LTBP1: variants seen among roughly 807,000 people sequenced by gnomAD.
LTBP1 encodes the protein latent transforming growth factor beta binding protein 1.
Under a neutral mutation model 207.6 loss-of-function variants are expected in LTBP1, and 129 were observed. That is an observed-to-expected ratio of 0.62 (90% CI 0.54 to 0.72). LTBP1 has a LOEUF of 0.72. LTBP1 is among the 30% of genes least tolerant of loss of function. The pLI, the probability that LTBP1 is intolerant of heterozygous loss-of-function variation, is 0.00. For missense variants in LTBP1, 2,281 were observed against 2,217.2 expected (o/e 1.03, Z -0.58); for synonymous variants, 963 against 833.7 (o/e 1.16, Z -2.67).
chr2:33,341,729 A>AAATATATATATATATATATAT (rs745445793), intron 24 of LTBP1, among the ~76,000 whole-genome samples: 8 of 93,620 alleles, frequency 8.5e-5, no homozygotes, highest in East Asian at 6.6e-4. Flanking sequence ...AAAAAAAAAA[A>AAATATATATATATATATATAT]ATATATATAT....
chr2:33,040,957 T>C (rs980630076), intron 3 of LTBP1, among the ~76,000 whole-genome samples: 1 of 152,232 alleles, frequency 6.6e-6, no homozygotes, highest in Admixed American at 6.5e-5. Context: ...CACACTGTGC[T>C]GGTACCTACC....
At chr2:33,353,406 C>T (rs902053639) in intron 26 of LTBP1, among the ~76,000 whole-genome samples, 1 of 152,188 alleles carries the variant, frequency 6.6e-6, no homozygotes, top group East Asian at 1.9e-4. Context: ...GCTCTCAACA[C>T]GCCTTGCTTT....
At chr2:33,365,583 C>A in intron 31 of LTBP1, 80 bp downstream of exon 31, 3 of 1,390,566 alleles carry the variant, frequency 2.2e-6, no homozygotes, top group South Asian at 2.6e-5. Flanking sequence ...TGACATTTCT[C>A]TTCTGTATCT....
At chr2:32,962,386 A>T (rs772707573) in intron 2 of LTBP1, among the ~76,000 whole-genome samples, 1 of 152,232 alleles carries the variant, frequency 6.6e-6, no homozygotes, top group Non-Finnish European at 1.5e-5. Flanking sequence ...ATAGTAATTG[A>T]AGGTGAAATA....
At chr2:33,056,175 C>A (rs368486137) in intron 3 of LTBP1, among the ~76,000 whole-genome samples, 1 of 152,004 alleles carries the variant, frequency 6.6e-6, no homozygotes, top group South Asian at 2.1e-4. Flanking sequence ...GGGGCCAAGC[C>A]GTAGCGCAGA....
chr2:33,087,240 A>G (rs966861843), intron 3 of LTBP1, among the ~76,000 whole-genome samples: 2 of 151,798 alleles, frequency 1.3e-5, no homozygotes, highest in African/African-American at 4.8e-5. Context: ...TACTTTAAAA[A>G]AATGTTCTGT....
At chr2:32,947,925 G>A (rs1202153775) in intron 1 of LTBP1, 107 bp downstream of exon 1, 2 of 1,008,928 alleles carry the variant, frequency 2.0e-6, no homozygotes, top group Non-Finnish European at 2.6e-6. Context: ...CAGGGCGGTC[G>A]CGCGCGGTGG....
intron 24 of LTBP1, among the ~76,000 whole-genome samples, chr2:33,322,537 G>T (rs752578627): frequency 2.6e-5 from 4 of 152,186 alleles, no homozygotes; most frequent in Non-Finnish European, 4.4e-5. Flanking sequence ...TTATATATCT[G>T]ATTGCATGAT....
chr2:33,141,355 T>A (rs2082631626), intron 5 of LTBP1, among the ~76,000 whole-genome samples: 1 of 152,162 alleles, frequency 6.6e-6, no homozygotes, highest in Non-Finnish European at 1.5e-5. Flanking sequence ...TCTGGAGATT[T>A]GATACAGAAT....
intron 2 of LTBP1, among the ~76,000 whole-genome samples, chr2:32,991,772 A>G (rs1275667750): frequency 6.6e-6 from 1 of 152,224 alleles, no homozygotes; most frequent in Non-Finnish European, 1.5e-5. Context: ...GTTGCAACCC[A>G]GGAGTCCTCT....
At chr2:32,972,106 C>CT (rs1407879803) in intron 2 of LTBP1, among the ~76,000 whole-genome samples, 2 of 128,738 alleles carry the variant, frequency 1.6e-5, no homozygotes, top group Non-Finnish European at 3.5e-5. Context: ...GCAAGAGTCT[C>CT]TGAGTTTTTT....
chr2:33,074,634 G>C (rs936408145), intron 3 of LTBP1, among the ~76,000 whole-genome samples: 32 of 152,114 alleles, frequency 2.1e-4, no homozygotes, highest in African/African-American at 7.7e-4. Flanking sequence ...CTTTGGGAAG[G>C]CCGAGGCAGG....
intron 4 of LTBP1, among the ~76,000 whole-genome samples, chr2:33,121,403 C>A (rs774426573): frequency 6.6e-6 from 1 of 151,968 alleles, no homozygotes; most frequent in Admixed American, 6.6e-5. Context: ...GAAAAGCATC[C>A]GGAGAGCAGG....
rs1232579851 is a variant in LTBP1 at position 32,965,411 on chromosome 2, T to C, written c.565+16466T>C. On this transcript the variant is annotated intron_variant, in intron 2 of 33. Coordinates refer to ENST00000404816, the MANE Select transcript of LTBP1 (RefSeq NM_206943.4). ...TCCTTGGGTTTTGGCAAATATATAA[T>C]AACATACATCTACAGTATCATAGAG... Among the ~76,000 whole-genome samples the C allele has an allele frequency of 2.6e-5, 4 of 152,268 alleles. No individual in the cohort carries two copies. The East Asian group carries it at 7.7e-4, about 29-fold the overall frequency.
At chr2:33,248,274 A>G (rs551167940) in intron 10 of LTBP1, among the ~76,000 whole-genome samples, 33 of 152,342 alleles carry the variant, frequency 2.2e-4, no homozygotes, top group African/African-American at 7.2e-4. Context: ...TATAATACTT[A>G]CAAGATCTCT....
chr2:33,363,652 C>G, intron 29 of LTBP1, 134 bp downstream of exon 29: 1 of 984,524 alleles, frequency 1.0e-6, no homozygotes. Flanking sequence ...TTTTAGGGAT[C>G]TTTTTCTTAA....
At chr2:33,340,869 A>G (rs1032879023) in intron 24 of LTBP1, among the ~76,000 whole-genome samples, 4 of 152,164 alleles carry the variant, frequency 2.6e-5, no homozygotes, top group Admixed American at 2.6e-4. Flanking sequence ...CCATTTACAG[A>G]TAGACTGTAA....
intron 2 of LTBP1, among the ~76,000 whole-genome samples, chr2:32,963,903 T>C (rs1273223977): frequency 1.3e-4 from 20 of 152,058 alleles, no homozygotes; most frequent in Admixed American, 1.3e-3. Flanking sequence ...ATACAAGATA[T>C]CAAAAGCGAA....
intron 3 of LTBP1, among the ~76,000 whole-genome samples, chr2:33,085,270 G>C (rs1398257693): frequency 6.6e-6 from 1 of 152,172 alleles, no homozygotes; most frequent in Non-Finnish European, 1.5e-5. Flanking sequence ...CATTTCTGTT[G>C]TTTTAAGCCA....
Sources: allele counts gnomAD v4.1 joint callset (sites outside exome capture counted in the v4.1 genomes callset), GRCh38; gene constraint gnomAD v4.1.1; transcripts MANE v1.5; gene names NCBI Gene and HGNC (gene_info 2026-07-23, HGNC 2026-07-21).